MACF1: variants seen among roughly 807,000 people sequenced by gnomAD.
MACF1 encodes microtubule-actin cross-linking factor 1.
In MACF1, 193 loss-of-function variants were observed where a neutral mutation model predicts 854.8. That is an observed-to-expected ratio of 0.23 (90% CI 0.20 to 0.25). The LOEUF is 0.25. Ranked by LOEUF, MACF1 falls within the 10% of genes least tolerant of loss-of-function variation. The pLI, the probability that MACF1 is intolerant of heterozygous loss-of-function variation, is 1.00. For synonymous variants in MACF1, 3,185 were observed against 3,226.7 expected, an observed-to-expected ratio of 0.99 and a Z score of 0.44; for missense variants, 7,722 against 8,929.1, an observed-to-expected ratio of 0.86 and a Z score of 5.45.
chr1:39,394,935 C>T (rs1214031881), intron 58 of MACF1, among the ~76,000 whole-genome samples: 4 of 152,142 alleles, frequency 2.6e-5, no homozygotes. Context: ...TTGTGCTGAC[C>T]CTTCCTTGGC....
At chr1:39,200,984 T>G (rs1644383327), upstream of MACF1, among the ~76,000 whole-genome samples, 2 of 152,136 alleles carry the variant, frequency 1.3e-5, no homozygotes, top group Admixed American at 1.3e-4. Context: ...CAAAAGGACA[T>G]TTCTACCCTG....
rs115366900 is a variant in MACF1, at chr1:39,271,299, T to C, written c.529-10909T>C. Among the ~76,000 whole-genome samples, 624 of 152,244 alleles carry C rather than the reference T, an allele frequency of 4.1e-3. 3 individuals carry two copies. Among genetic ancestry groups the C allele is most frequent in the African/African-American group, 0.015 (603 of 41,526 alleles). Reference sequence around the variant, plus strand: ...ATCTTGGTGGAAGGCAGAGGAGCAGTAGGCATGTCACTTGGCTACAGCAGG... The same window carrying C: ...ATCTTGGTGGAAGGCAGAGGAGCAGCAGGCATGTCACTTGGCTACAGCAGG... On this transcript the variant is annotated intron_variant, in intron 6 of 100. Coordinates refer to ENST00000564288, the MANE Select transcript of MACF1 (RefSeq NM_001394062.1).
chr1:39,292,310 C>T (rs1169281880), intron 16 of MACF1, among the ~76,000 whole-genome samples: 1 of 152,166 alleles, frequency 6.6e-6, no homozygotes, highest in African/African-American at 2.4e-5. Flanking sequence ...GTAGTGGATG[C>T]AGCATCCAAA....
chr1:39,110,769 G>C (rs1642382865), intron 2 of MACF1, among the ~76,000 whole-genome samples: 1 of 152,100 alleles, frequency 6.6e-6, no homozygotes, highest in Non-Finnish European at 1.5e-5. Context: ...CCTTGTCTTG[G>C]GCTTGTTGGC....
At chr1:39,186,351 C>T (rs973836866) in intron 2 of MACF1, among the ~76,000 whole-genome samples, 2 of 151,168 alleles carry the variant, frequency 1.3e-5, no homozygotes, top group Non-Finnish European at 2.9e-5. Context: ...ACTGCAACCA[C>T]CAACTCCCTG....
chr1:39,180,603 G>C (rs946714559), intron 2 of MACF1, among the ~76,000 whole-genome samples: 1 of 152,108 alleles, frequency 6.6e-6, no homozygotes, highest in South Asian at 2.1e-4. Flanking sequence ...GCAACAGAGC[G>C]ATACTCCACC....
At chr1:39,407,969 C>T (rs1004021200) in intron 58 of MACF1, among the ~76,000 whole-genome samples, 4 of 152,112 alleles carry the variant, frequency 2.6e-5, no homozygotes, top group Non-Finnish European at 5.9e-5. Context: ...GCCCTTTGTA[C>T]TTTCTTTGTT....
At chr1:39,203,621 C>T (rs1298561399), upstream of MACF1, among the ~76,000 whole-genome samples, 1 of 152,222 alleles carries the variant, frequency 6.6e-6, no homozygotes, top group Non-Finnish European at 1.5e-5. Flanking sequence ...ATTTCCTTCC[C>T]TCATTCTCAG....
intron 58 of MACF1, among the ~76,000 whole-genome samples, chr1:39,399,522 G>A (rs1048177950): frequency 2.6e-5 from 4 of 151,912 alleles, no homozygotes; most frequent in South Asian, 2.1e-4. Flanking sequence ...TTACAGGCAC[G>A]CACCATCTTG....
chr1:39,377,248 G>A (rs899549898), intron 52 of MACF1, among the ~76,000 whole-genome samples: 1 of 151,740 alleles, frequency 6.6e-6, no homozygotes, highest in Non-Finnish European at 1.5e-5. Flanking sequence ...CTGAGCTCAG[G>A]CAATCCACCC....
At chr1:39,307,957 T>C (rs1395764140) in intron 23 of MACF1, among the ~76,000 whole-genome samples, 2 of 130,356 alleles carry the variant, frequency 1.5e-5, no homozygotes, top group African/African-American at 5.8e-5. Flanking sequence ...CAGGCTAGAG[T>C]GCAGTGACGC....
intron 22 of MACF1, among the ~76,000 whole-genome samples, chr1:39,300,718 AC>A (rs1451996312): frequency 2.0e-5 from 3 of 151,996 alleles, no homozygotes; most frequent in African/African-American, 7.2e-5. Context: ...TATCCCTTAA[AC>A]GTACTTTTTC....
Position 39,368,189 on chromosome 1 carries a change from T to C in MACF1, c.12813T>C (p.Asp4271=). The change falls in exon 50 of 101, where the codon GAT becomes GAC. Residue 4271 remains aspartate, a synonymous_variant. Transcript: ENST00000564288. ...TGGAAGACCAACAGGAGAACCTAGA[T>C]ACTCTTGAGCACCTGGTCACTGAAC... The part of the protein sequence containing the change: ...LEMEDQQENL[D]TLEHLVTELS... The C allele has an allele frequency of 6.2e-7, 1 of 1,614,140 alleles. No individual in the cohort carries two copies.
At chr1:39,107,493 G>A (rs151248812) in intron 2 of MACF1, among the ~76,000 whole-genome samples, 257 of 146,600 alleles carry the variant, frequency 1.8e-3, no homozygotes, top group Non-Finnish European at 2.7e-3. Flanking sequence ...TACGGTGGTC[G>A]TGCAGTCTGC....
intron 55 of MACF1, among the ~76,000 whole-genome samples, chr1:39,381,378 T>TGGGG (rs1263653376): frequency 2.0e-5 from 2 of 101,958 alleles, no homozygotes; most frequent in Non-Finnish European, 4.2e-5. Flanking sequence ...TTTTTTTTTT[T>TGGGG]GGGGGGGGGG....
chr1:39,159,969 G>A (rs1643763881), intron 2 of MACF1, among the ~76,000 whole-genome samples: 1 of 152,098 alleles, frequency 6.6e-6, no homozygotes, highest in Admixed American at 6.5e-5. Context: ...TTCACTATCT[G>A]TTGAAGAACT....
At chr1:39,429,209 A>G (rs746329714) in intron 63 of MACF1, 33 bp from the exon 64 acceptor site, 1 of 1,109,248 alleles carries the variant, frequency 9.0e-7, no homozygotes, top group East Asian at 2.4e-5. Context: ...GTAGTGCCAC[A>G]GTTTCAGGAT....
At chr1:39,243,973 A>G (rs1443665238) in intron 2 of MACF1, among the ~76,000 whole-genome samples, 7 of 152,086 alleles carry the variant, frequency 4.6e-5, no homozygotes, top group African/African-American at 1.7e-4. Flanking sequence ...TGTGTCTAGT[A>G]TGCTTCAGAA....
intron 2 of MACF1, among the ~76,000 whole-genome samples, chr1:39,125,094 A>G (rs1263986426): frequency 1.3e-5 from 2 of 152,220 alleles, no homozygotes; most frequent in Non-Finnish European, 2.9e-5. Context: ...GGATTATCAA[A>G]CTCAAAAGCA....
Sources: allele counts gnomAD v4.1 joint callset (sites outside exome capture counted in the v4.1 genomes callset), GRCh38; gene constraint gnomAD v4.1.1; transcripts MANE v1.5; gene names NCBI Gene and HGNC (gene_info 2026-07-23, HGNC 2026-07-21).